ANGPTL8: variants seen among roughly 807,000 people sequenced by gnomAD.
ANGPTL8 encodes the protein angiopoietin like 8, also known as angiopoietin-like protein 8.
Under a neutral mutation model 22.6 loss-of-function variants are expected in ANGPTL8, and 24 were observed. That is an observed-to-expected ratio of 1.06 (90% CI 0.77 to 1.49). The LOEUF (loss-of-function observed/expected upper bound fraction) is 1.49. Ranked by LOEUF, ANGPTL8 falls within the 40% of genes most tolerant of loss-of-function variation. ANGPTL8 has a pLI of 0.00. For missense variants in ANGPTL8, 230 were observed against 259.6 expected (o/e 0.89, Z 0.78); for synonymous variants, 88 against 113.4 (o/e 0.78, Z 1.42).
In ANGPTL8 at chr19:11,241,460, C is replaced by T. The variant is rs1487772556; in HGVS notation, c.475C>T (p.Gln159Ter). Residue 159 changes from glutamine (Q) to a stop codon, truncating the protein, a stop_gained, in exon 3 of 4, where the codon CAG becomes TAG. Coordinates refer to ENST00000252453, the MANE Select transcript of ANGPTL8 (RefSeq NM_018687.7). LOFTEE classifies it high-confidence loss of function. ...ACCCCCACAGGCTCACGCTGACAAG[C>T]AGAGCCACATCCTATGGGCCCTCAC... ...FEVLKAHADK[Q>*]SHILWALTGH... The T allele has an allele frequency of 9.0e-6, 14 of 1,549,936 alleles. No individual in the cohort carries two copies. The South Asian group carries it at 1.7e-4, about 18-fold the overall frequency.
At chr19:11,240,516 G>A (rs72994398) in intron 2 of ANGPTL8, among the ~76,000 whole-genome samples, 5 of 152,134 alleles carry the variant, frequency 3.3e-5, no homozygotes, top group Non-Finnish European at 7.4e-5. Context: ...TCACAGTAGG[G>A]CCAGGTACTC....
rs1411718560 is a variant in ANGPTL8 at position 11,241,549 on chromosome 19, G to C, written c.564G>C (p.Gln188His). ...VAQQHRLRQIQERLHTAALPA is the reference protein window; with the variant it reads ...VAQQHRLRQIHERLHTAALPA ...AGCAGCATCGGCTGCGACAGATCCA[G>C]GAGAGGTGAGCCTGGCAGGGGTTTG... is the stretch of plus-strand genomic sequence containing the variant. The change falls in exon 3 of 4, where the codon CAG becomes CAC. Residue 188 changes from glutamine to histidine, a missense_variant. Transcript: ENST00000252453. 1 of 1,553,596 alleles carries C rather than the reference G, an allele frequency of 6.4e-7. No individual in the cohort carries two copies. The highest frequency in any genetic ancestry group is 1.2e-5 in the South Asian group (1 of 84,170).
Position 11,240,194 on chromosome 19 carries a change from G to A in ANGPTL8, c.357G>A (p.Val119=). ...CCACAGCTGAGGTGCTGGGGGAGGT[G>A]GCCCAGGCACAGAAGGTGCTACGGG... ...AEATAEVLGE[V]AQAQKVLRDS... Residue 119 remains valine, a synonymous_variant, in exon 2 of 4, where the codon GTG becomes GTA. Coordinates refer to ENST00000252453, the MANE Select transcript of ANGPTL8 (RefSeq NM_018687.7). 1 of 1,556,434 alleles carries A rather than the reference G, an allele frequency of 6.4e-7. No individual in the cohort carries two copies. Among genetic ancestry groups the A allele is most frequent in the African/African-American group, 1.4e-5 (1 of 73,442 alleles).
intron 1 of ANGPTL8, 65 bp from the exon 2 acceptor site, chr19:11,240,070 G>A: frequency 6.5e-7 from 1 of 1,549,246 alleles, no homozygotes; most frequent in Non-Finnish European, 8.7e-7. Context: ...ATAAACTCAG[G>A]CAAGTCCTTA....
rs2079951294 is a variant in ANGPTL8 at position 11,241,842 on chromosome 19, G to T, written c.*155G>T. 1 of 1,365,462 alleles carries T rather than the reference G, an allele frequency of 7.3e-7. No homozygotes were observed. Among genetic ancestry groups the T allele is most frequent in the South Asian group, 1.3e-5 (1 of 78,254 alleles). 84.6% of individuals were successfully genotyped at this position (1,365,462 alleles called of 1,614,324 possible). Reference sequence around the variant, plus strand: ...CAGAGCAGAGACAGACGCAGGCGGGGACAAAGGCAGAGGATGTAGCCCCAT... The same window carrying T: ...CAGAGCAGAGACAGACGCAGGCGGGTACAAAGGCAGAGGATGTAGCCCCAT... On this transcript the variant is annotated 3_prime_UTR_variant, in exon 4 of 4. Coordinates refer to ENST00000252453, the MANE Select transcript of ANGPTL8 (RefSeq NM_018687.7).
chr19:11,241,210 C>T (rs972034852), intron 2 of ANGPTL8, among the ~76,000 whole-genome samples: 4 of 150,920 alleles, frequency 2.7e-5, no homozygotes, highest in African/African-American at 9.8e-5. Context: ...CGTGTCATTG[C>T]ACTCAGCCTG....
intron 1 of ANGPTL8, 56 bp from the exon 2 acceptor site, chr19:11,240,079 T>G (rs1408039350): frequency 6.5e-7 from 1 of 1,549,676 alleles, no homozygotes; most frequent in Non-Finnish European, 8.7e-7. Context: ...GGCAAGTCCT[T>G]AGGTACACAA....
intron 2 of ANGPTL8, among the ~76,000 whole-genome samples, chr19:11,241,060 C>G (rs1055489662): frequency 6.6e-6 from 1 of 151,930 alleles, no homozygotes; most frequent in Non-Finnish European, 1.5e-5. Flanking sequence ...CCCTGGCCAA[C>G]ATGGTGAAAC....
At chr19:11,241,622 GC>G (rs1195433765) in intron 3 of ANGPTL8, 37 bp from the exon 4 acceptor site, 4 of 1,563,440 alleles carry the variant, frequency 2.6e-6, no homozygotes, top group Non-Finnish European at 2.6e-6. Context: ...CTGGAAAGGG[GC>G]CCCCTCACCT....
At chr19:11,240,320 T>C in intron 2 of ANGPTL8, 24 bp downstream of exon 2, 1 of 1,526,640 alleles carries the variant, frequency 6.6e-7, no homozygotes. Context: ...CCAACCCTAG[T>C]GGGCTGAGAC....
In ANGPTL8 at chr19:11,241,501, G is replaced by T. The variant is rs539791974; in HGVS notation, c.516G>T (p.Arg172=). 3.5e-5 allele frequency: 54 copies of T among 1,552,812 alleles called. No individual in the cohort carries two copies. The East Asian group carries it at 1.2e-3, about 36-fold the overall frequency. The change falls in exon 3 of 4, where the codon CGG becomes CGT. Residue 172 remains arginine (R), a synonymous_variant. Transcript: ENST00000252453. ...GGGCCCTCACAGGCCACGTGCAGCGGCAGAGGCGGGAGATGGTGGCACAGC... is the reference window on the plus strand; with the variant it reads ...GGGCCCTCACAGGCCACGTGCAGCGTCAGAGGCGGGAGATGGTGGCACAGC... The part of the protein sequence containing the change: ...ILWALTGHVQ[R]QRREMVAQQH...
intron 2 of ANGPTL8, among the ~76,000 whole-genome samples, chr19:11,240,966 C>T (rs972317592): frequency 6.6e-6 from 1 of 151,116 alleles, no homozygotes; most frequent in South Asian, 2.1e-4. Context: ...ATATGATGGC[C>T]GGGCATGGTG....
Position 11,240,242 on chromosome 19 carries a change from C to A in ANGPTL8, c.405C>A (p.Val135=). The A allele has an allele frequency of 6.3e-7, 1 of 1,581,222 alleles. No individual in the cohort carries two copies. The highest frequency in any genetic ancestry group is 1.2e-5 in the South Asian group (1 of 86,126). ...GGGACAGCGTGCAGCGGCTAGAAGT[C>A]CAGCTGAGGAGCGCCTGGCTGGGCC... ...VLRDSVQRLE[V]QLRSAWLGPA... Residue 135 remains valine (V), a synonymous_variant, in exon 2 of 4, where the codon GTC becomes GTA. Transcript: ENST00000252453.
chr19:11,240,758 T>G (rs968287530), intron 2 of ANGPTL8, among the ~76,000 whole-genome samples: 1 of 151,792 alleles, frequency 6.6e-6, no homozygotes, highest in Non-Finnish European at 1.5e-5. Flanking sequence ...TTAGTAGAGA[T>G]GGGATTTCAC....
Position 11,239,705 on chromosome 19 carries a change from C to T in ANGPTL8, c.68C>T (p.Pro23Leu). The part of the protein sequence containing the change: ...AMVTRPASAA[P>L]MGGPELAQHE... ...GTGACCCGGCCTGCCTCAGCGGCCC[C>T]CATGGGCGGCCCAGAACTGGCACAG... The change falls in exon 1 of 4, where the codon CCC becomes CTC. Residue 23 changes from proline to leucine, a missense_variant. Transcript: ENST00000252453. 1 of 1,613,606 alleles carries T rather than the reference C, an allele frequency of 6.2e-7. No individual in the cohort carries two copies. Among genetic ancestry groups the T allele is most frequent in the Non-Finnish European group, 8.5e-7 (1 of 1,179,840 alleles).
intron 2 of ANGPTL8, 133 bp downstream of exon 2, chr19:11,240,429 C>G: frequency 1.1e-6 from 1 of 932,990 alleles, no homozygotes; most frequent in Non-Finnish European, 1.5e-6. Context: ...TGTCCCCAGA[C>G]AAAACTCAAG....
rs912202472 is a variant in ANGPTL8 at position 11,239,649 on chromosome 19, T to G, written c.12T>G (p.Pro4=). ...TTAGACCCTCAGTCATGCCAGTGCC[T>G]GCTCTGTGCCTGCTCTGGGCCCTGG... is the stretch of plus-strand genomic sequence containing the variant. MPV[P]ALCLLWALAM... The change falls in exon 1 of 4, where the codon CCT becomes CCG. Residue 4 remains proline, a synonymous_variant. Transcript: ENST00000252453. 6.2e-7 allele frequency: 1 copy of G among 1,613,736 alleles called. No homozygotes were observed. Among genetic ancestry groups the G allele is most frequent in the Admixed American group, 1.7e-5 (1 of 60,018 alleles).
Position 11,241,805 on chromosome 19 carries a change from C to A in ANGPTL8, c.*118C>A. On this transcript the variant is annotated 3_prime_UTR_variant, in exon 4 of 4. Coordinates refer to ENST00000252453, the MANE Select transcript of ANGPTL8 (RefSeq NM_018687.7). ...TGGGATCAGCCAGGGCGCCGGGCCCCACTTCTGAGCACAGAGCAGAGACAG... is the reference window on the plus strand; with the variant it reads ...TGGGATCAGCCAGGGCGCCGGGCCCAACTTCTGAGCACAGAGCAGAGACAG... 6.8e-7 allele frequency: 1 copy of A among 1,477,378 alleles called. No individual in the cohort carries two copies. The highest frequency in any genetic ancestry group is 1.4e-5 in the African/African-American group (1 of 71,810). The allele number at this position is 1,477,378 out of a possible 1,614,324, so 91.5% of individuals were successfully genotyped here.
chr19:11,239,867 T>C lies in ANGPTL8; in HGVS notation c.230T>C (p.Leu77Pro), dbSNP rs765895517. ...CTCTATGGCCGCACAATAGAACTCCTGGGGCAGGAGGTCAGCCGGGGCCGG... is the reference window on the plus strand; with the variant it reads ...CTCTATGGCCGCACAATAGAACTCCCGGGGCAGGAGGTCAGCCGGGGCCGG... ...LGLYGRTIEL[L>P]GQEVSRGRDA... Residue 77 changes from leucine (L) to proline (P), a missense_variant, in exon 1 of 4, where the codon CTG (leucine) becomes CCG (proline). By Grantham distance (98) the Leu-to-Pro change is moderately conservative (BLOSUM62 -3). Transcript: ENST00000252453. 2 of 1,598,244 alleles carry C rather than the reference T, an allele frequency of 1.3e-6. No individual in the cohort carries two copies. Among genetic ancestry groups the C allele is most frequent in the East Asian group, 2.3e-5 (1 of 44,262 alleles).
Sources: gnomAD v4.1 joint callset for allele counts (sites outside exome capture counted in the v4.1 genomes callset) on GRCh38, gnomAD v4.1.1 for gene constraint, MANE v1.5 for transcripts, NCBI Gene and HGNC (gene_info 2026-07-23, HGNC 2026-07-21) for gene names.